Variants in DENND5B observed in about 807,000 individuals in gnomAD.
DENND5B encodes the protein DENN domain-containing protein 5B.
A neutral mutation model predicts 140.6 loss-of-function variants in DENND5B; 34 were observed. The ratio of observed to expected loss-of-function variants is 0.24; its 90% confidence interval spans 0.18 to 0.32. The LOEUF (loss-of-function observed/expected upper bound fraction) is 0.32, where lower values mean the gene tolerates loss of function less well. Ranked by LOEUF, DENND5B falls within the 10% of genes least tolerant of loss-of-function variation. The pLI is 1.00. For missense variants in DENND5B, 1,142 were observed against 1,560.2 expected (o/e 0.73, Z 4.52); for synonymous variants, 551 against 562.1 (o/e 0.98, Z 0.28).
At chr12:31,402,730 T>C in intron 14 of DENND5B, 87 bp from the exon 15 acceptor site, 1 of 1,442,534 alleles carries the variant, frequency 6.9e-7, no homozygotes, top group Non-Finnish European at 9.2e-7. Flanking sequence ...TTGTTGGTTT[T>C]CATTGATAAT....
At chr12:31,413,638 C>T (rs1942582863) in intron 12 of DENND5B, 74 bp from the exon 13 acceptor site, 13 of 1,475,214 alleles carry the variant, frequency 8.8e-6, no homozygotes, top group Non-Finnish European at 1.1e-5. Flanking sequence ...AAAGAGTGAA[C>T]AGTACTGGGC....
At chr12:31,561,628 C>T (rs1949478069) in intron 1 of DENND5B, among the ~76,000 whole-genome samples, 1 of 152,176 alleles carries the variant, frequency 6.6e-6, no homozygotes, top group African/African-American at 2.4e-5. Flanking sequence ...GTAAAGAGGA[C>T]TCCTAAAACT....
At chr12:31,460,626 TG>T (rs1944973022) in intron 3 of DENND5B, among the ~76,000 whole-genome samples, 1 of 152,228 alleles carries the variant, frequency 6.6e-6, no homozygotes, top group South Asian at 2.1e-4. Context: ...CTTAAAATCA[TG>T]GGTAGACGAA....
chr12:31,396,051 T>G (rs1380440074), intron 17 of DENND5B, among the ~76,000 whole-genome samples: 1 of 109,526 alleles, frequency 9.1e-6, no homozygotes, highest in Non-Finnish European at 1.9e-5. Flanking sequence ...CTGTTGGCAT[T>G]CCTTGTTTTT....
chr12:31,447,961 G>A (rs192730004), intron 5 of DENND5B, among the ~76,000 whole-genome samples, 192 bp from the exon 6 acceptor site: 10 of 152,072 alleles, frequency 6.6e-5, no homozygotes, highest in Non-Finnish European at 1.0e-4. Context: ...CGTCACTTAG[G>A]TCTTTAGCAC....
chr12:31,524,558 G>C (rs942404548), intron 1 of DENND5B, among the ~76,000 whole-genome samples: 1 of 152,092 alleles, frequency 6.6e-6, no homozygotes, highest in South Asian at 2.1e-4. Context: ...GAGGCTGAGG[G>C]AGGAGAATCG....
At chr12:31,575,176 T>C (rs1414270124) in intron 1 of DENND5B, among the ~76,000 whole-genome samples, 1 of 152,240 alleles carries the variant, frequency 6.6e-6, no homozygotes, top group Non-Finnish European at 1.5e-5. Context: ...CCATTTATAT[T>C]TCCTTAAAAG....
chr12:31,422,469 T>A (rs1943073874), intron 11 of DENND5B, among the ~76,000 whole-genome samples: 1 of 148,426 alleles, frequency 6.7e-6, no homozygotes, highest in Non-Finnish European at 1.5e-5. Context: ...GGGCATGGGA[T>A]ATGCACCTGT....
intron 3 of DENND5B, among the ~76,000 whole-genome samples, chr12:31,468,869 T>A (rs1222152200): frequency 2.6e-5 from 4 of 151,380 alleles, no homozygotes; most frequent in Admixed American, 2.6e-4. Flanking sequence ...GTAAAAATAA[T>A]TGGGGGAAAA....
Position 31,485,415 on chromosome 12 carries a change from C to T in DENND5B, c.238-5160G>A, listed in dbSNP as rs551493421. On this transcript the variant is annotated intron_variant, in intron 2 of 20. Transcript: ENST00000389082. ...CCCAAAGCACGGATATTTTACGTTA[C>T]AGGAATAAACAAACTTATTTCTCAT... Among the ~76,000 whole-genome samples the T allele has an allele frequency of 3.0e-4, 45 of 152,304 alleles. 1 individual carries two copies. Among genetic ancestry groups the T allele is most frequent in the Middle Eastern group, 6.8e-3 (2 of 294 alleles).
chr12:31,580,526 A>T (rs1014863461), intron 1 of DENND5B, among the ~76,000 whole-genome samples: 1 of 151,784 alleles, frequency 6.6e-6, no homozygotes, highest in African/African-American at 2.4e-5. Flanking sequence ...ACAGGGTCTC[A>T]CTCTGTTAAC....
chr12:31,400,875 T>C (rs1941759909), intron 15 of DENND5B, among the ~76,000 whole-genome samples: 1 of 145,630 alleles, frequency 6.9e-6, no homozygotes, highest in Non-Finnish European at 1.5e-5. Context: ...AGAGTTTCGC[T>C]CTCGTTGCCC....
chr12:31,518,960 C>A (rs2138985042), intron 1 of DENND5B, among the ~76,000 whole-genome samples: 1 of 152,290 alleles, frequency 6.6e-6, no homozygotes, highest in African/African-American at 2.4e-5. Context: ...CTGAAAGCAG[C>A]CCTAGAGCAA....
In DENND5B at chr12:31,482,178, T is replaced by C. The variant is rs1946095233; in HGVS notation, c.238-1923A>G. ...TAAAAACTATTGGCTTTGAAGCTCA[T>C]GTCATGATTGTGCCACATTTTGGGT... On this transcript the variant is annotated intron_variant, in intron 2 of 20. Transcript: ENST00000389082. Among the ~76,000 whole-genome samples the C allele has an allele frequency of 2.6e-5, 4 of 152,346 alleles. No individual in the cohort carries two copies. In the South Asian group the frequency reaches 8.3e-4, roughly 32 times the overall value.
chr12:31,569,061 T>C (rs949439579), intron 1 of DENND5B, among the ~76,000 whole-genome samples: 2 of 74,810 alleles, frequency 2.7e-5, no homozygotes, highest in Non-Finnish European at 5.3e-5. Context: ...GCAACATACC[T>C]TTTTTTTTTT....
In DENND5B at chr12:31,383,092, C is replaced by T. The variant is rs1940699534; in HGVS notation, c.*4511G>A. 6.6e-6 allele frequency: 1 copy of T among 152,068 alleles called. No individual in the cohort carries two copies. The highest frequency in any genetic ancestry group is 2.4e-5 in the African/African-American group (1 of 41,412). The allele number at this position is 152,068 out of a possible 1,614,324, so 9.4% of individuals were successfully genotyped here. On this transcript the variant is annotated 3_prime_UTR_variant, in exon 21 of 21. Coordinates refer to ENST00000389082, the MANE Select transcript of DENND5B (RefSeq NM_144973.4). ...CTCAATCAGTGAAGGTGTGTTAATA[C>T]TGAAATATAAATAGCTAAAGTTCAG...
At chr12:31,387,817 C>A (rs754863516) in intron 20 of DENND5B, 31 bp from the exon 21 acceptor site, 1 of 1,598,768 alleles carries the variant, frequency 6.3e-7, no homozygotes, top group South Asian at 1.1e-5. Context: ...AATTCCTGAG[C>A]ATTGCTGGCC....
At chr12:31,459,614 G>C (rs891168495) in intron 4 of DENND5B, among the ~76,000 whole-genome samples, 1 of 152,046 alleles carries the variant, frequency 6.6e-6, no homozygotes, top group Non-Finnish European at 1.5e-5. Context: ...ACATTTGAAA[G>C]TACAACACAC....
rs566423394 is a variant in DENND5B, at chr12:31,540,454, G to C, written c.128-44535C>G. ...AGATCACTTGAGGCCAAGAGTTCCAGACCAGCCTGGCCAACATGGTAAGAC... is the reference window on the plus strand; with the variant it reads ...AGATCACTTGAGGCCAAGAGTTCCACACCAGCCTGGCCAACATGGTAAGAC... On this transcript the variant is annotated intron_variant, in intron 1 of 20. Transcript: ENST00000389082. 4.3e-4 allele frequency among the ~76,000 whole-genome samples: 65 copies of C among 152,282 alleles called. 1 individual carries two copies. The highest frequency in any genetic ancestry group is 1.5e-3 in the African/African-American group (64 of 41,558).
Sources: gnomAD v4.1 joint callset for allele counts (sites outside exome capture counted in the v4.1 genomes callset) on GRCh38, gnomAD v4.1.1 for gene constraint, MANE v1.5 for transcripts, NCBI Gene and HGNC (gene_info 2026-07-23, HGNC 2026-07-21) for gene names.